Variants in NSL1 observed in about 807,000 individuals in gnomAD.
NSL1 encodes NSL1 component of MIS12 kinetochore complex.
In NSL1, 11 loss-of-function variants were observed where a neutral mutation model predicts 25.4. That is an observed-to-expected ratio of 0.43 (90% CI 0.27 to 0.72). NSL1 has a LOEUF of 0.72. NSL1 is among the 30% of genes least tolerant of loss of function. NSL1 has a pLI of 0.19. For missense variants in NSL1, 330 were observed against 342.7 expected, an observed-to-expected ratio of 0.96 and a Z score of 0.29; for synonymous variants, 118 against 120.6, an observed-to-expected ratio of 0.98 and a Z score of 0.14.
chr1:212,765,731 G>A (rs1659773548), intron 4 of NSL1, among the ~76,000 whole-genome samples: 1 of 152,064 alleles, frequency 6.6e-6, no homozygotes, highest in African/African-American at 2.4e-5. Flanking sequence ...GCTTGAACCT[G>A]GAAAGTGGAG....
At chr1:212,747,270 C>T (rs1322520546) in intron 4 of NSL1, among the ~76,000 whole-genome samples, 1 of 152,188 alleles carries the variant, frequency 6.6e-6, no homozygotes, top group Non-Finnish European at 1.5e-5. Context: ...CAAATCACTT[C>T]CAAGATTAGG....
chr1:212,746,779 AATGGT>A (rs1408569883), intron 4 of NSL1, among the ~76,000 whole-genome samples: 1 of 152,228 alleles, frequency 6.6e-6, no homozygotes, highest in Non-Finnish European at 1.5e-5. Context: ...AAATGGTTAA[AATGGT>A]AAATTTTATG....
Position 212,735,823 on chromosome 1 carries a change from A to G in NSL1, c.*2585T>C, listed in dbSNP as rs951069714. ...AGGTGGTCATCTACAAGTCGGGAAG[A>G]CAGCCCTCACCAGAAACTGCATTTG... On this transcript the variant is annotated 3_prime_UTR_variant, in exon 6 of 6. Coordinates refer to ENST00000366977, the MANE Select transcript of NSL1 (RefSeq NM_015471.4). 1 of 442,358 alleles carries G rather than the reference A, an allele frequency of 2.3e-6. No homozygotes were observed. Among genetic ancestry groups the G allele is most frequent in the Non-Finnish European group, 3.0e-6 (1 of 333,478 alleles). The allele number at this position is 442,358 out of a possible 1,614,324, so 27.4% of individuals were successfully genotyped here.
intron 4 of NSL1, among the ~76,000 whole-genome samples, chr1:212,762,844 T>G (rs1659639390): frequency 6.6e-6 from 1 of 152,026 alleles, no homozygotes; most frequent in African/African-American, 2.4e-5. Context: ...CCTGACTGCA[T>G]CTCATAGGGG....
chr1:212,752,455 T>C (rs774507914), intron 4 of NSL1, among the ~76,000 whole-genome samples: 4 of 152,160 alleles, frequency 2.6e-5, no homozygotes, highest in Admixed American at 1.3e-4. Context: ...GAACTGGAAG[T>C]ATCATTAAGT....
chr1:212,752,110 A>G (rs1041561469), intron 4 of NSL1, among the ~76,000 whole-genome samples: 3 of 152,200 alleles, frequency 2.0e-5, no homozygotes, highest in Non-Finnish European at 4.4e-5. Context: ...ATAAAATCCT[A>G]CTTAAATGTC....
chr1:212,732,162 T>C lies in NSL1; in HGVS notation c.*6246A>G, dbSNP rs1280229428. On this transcript the variant is annotated 3_prime_UTR_variant, in exon 6 of 6. Coordinates refer to ENST00000366977, the MANE Select transcript of NSL1 (RefSeq NM_015471.4). ...TTTGTACAGCTTTCTGCCTCTACTGTAGTGAATAACTGCCTTATTTTTTGT... is the reference window on the plus strand; with the variant it reads ...TTTGTACAGCTTTCTGCCTCTACTGCAGTGAATAACTGCCTTATTTTTTGT... 1.0e-6 allele frequency: 1 copy of C among 984,888 alleles called. No individual in the cohort carries two copies. 61.0% of individuals were successfully genotyped at this position (984,888 alleles called of 1,614,324 possible). A position where few individuals can be genotyped will look rare whatever the true frequency, so the allele number is the denominator to read the frequency against.
intron 4 of NSL1, among the ~76,000 whole-genome samples, chr1:212,754,865 G>A (rs1659233917): frequency 6.6e-6 from 1 of 150,914 alleles, no homozygotes; most frequent in Non-Finnish European, 1.5e-5. Flanking sequence ...ATGATGGGAA[G>A]CAGATAATGC....
intron 4 of NSL1, among the ~76,000 whole-genome samples, chr1:212,741,389 T>C (rs1318613008): frequency 6.6e-6 from 1 of 152,190 alleles, no homozygotes; most frequent in Non-Finnish European, 1.5e-5. Flanking sequence ...CCACCCAATC[T>C]CATGTCGAAT....
At chr1:212,787,763 T>A in intron 1 of NSL1, 126 bp from the exon 2 acceptor site, 1 of 564,294 alleles carries the variant, frequency 1.8e-6, no homozygotes, top group Non-Finnish European at 3.1e-6. Context: ...AGCTAATTAG[T>A]ATATCTATTC....
Position 212,731,415 on chromosome 1 carries a change from G to A in NSL1, c.*6993C>T, listed in dbSNP as rs186921500. 4.1e-6 allele frequency: 4 copies of A among 985,090 alleles called. No homozygotes were observed. Among genetic ancestry groups the A allele is most frequent in the East Asian group, 1.1e-4 (1 of 8,810 alleles). The allele number at this position is 985,090 out of a possible 1,614,324, so 61.0% of individuals were successfully genotyped here. A position where few individuals can be genotyped will look rare whatever the true frequency, so the allele number is the denominator to read the frequency against. On this transcript the variant is annotated 3_prime_UTR_variant, in exon 6 of 6. Coordinates refer to ENST00000366977, the MANE Select transcript of NSL1 (RefSeq NM_015471.4). ...TAAAACAAATAAACTAGCCGGGCAT[G>A]GTGGCACACGCCTGTTTTGAAACCC...
intron 4 of NSL1, among the ~76,000 whole-genome samples, chr1:212,764,843 CAAAAAAAAAAAA>C (rs3086471): frequency 7.2e-4 from 28 of 38,876 alleles, no homozygotes; most frequent in Admixed American, 1.1e-3. Flanking sequence ...AAGACTGTCT[CAAAAAAAAAAAA>C]AAAAAAAAAA....
intron 4 of NSL1, among the ~76,000 whole-genome samples, chr1:212,744,627 T>C (rs148943913): frequency 6.8e-4 from 103 of 152,180 alleles, no homozygotes; most frequent in Non-Finnish European, 1.5e-3. Flanking sequence ...ACCTAAATAA[T>C]GTGTGTCACC....
chr1:212,786,578 C>G (rs890919380), intron 2 of NSL1, among the ~76,000 whole-genome samples: 1 of 152,186 alleles, frequency 6.6e-6, no homozygotes, highest in African/African-American at 2.4e-5. Context: ...GAGGCCAAGG[C>G]AGGCAGATCA....
rs2102419752 is a variant in NSL1 at position 212,731,264 on chromosome 1, T to C, written c.*7144A>G. ...AGAATAGTAAGTCTTATCTGAAATA[T>C]ACTGTGATAGGCCAGGTGCAGTGGC... On this transcript the variant is annotated 3_prime_UTR_variant, in exon 6 of 6. Coordinates refer to ENST00000366977, the MANE Select transcript of NSL1 (RefSeq NM_015471.4). 1.0e-6 allele frequency: 1 copy of C among 985,060 alleles called. No individual in the cohort carries two copies. The highest frequency in any genetic ancestry group is 1.2e-6 in the Non-Finnish European group (1 of 829,886). The allele number at this position is 985,060 out of a possible 1,614,324, so 61.0% of individuals were successfully genotyped here.
At chr1:212,766,748 G>A (rs955453854) in intron 4 of NSL1, among the ~76,000 whole-genome samples, 2 of 151,850 alleles carry the variant, frequency 1.3e-5, no homozygotes, top group African/African-American at 2.4e-5. Flanking sequence ...CAAAATCAGT[G>A]TACACACATC....
rs186305592 is a variant in NSL1 at position 212,753,981 on chromosome 1, G to A, written c.500-14380C>T. Among the ~76,000 whole-genome samples, 4 of 152,322 alleles carry A rather than the reference G, an allele frequency of 2.6e-5. No individual in the cohort carries two copies. In the East Asian group the frequency reaches 5.8e-4, roughly 22 times the overall value. On this transcript the variant is annotated intron_variant, in intron 4 of 5. Transcript: ENST00000366977. The stretch of plus-strand genomic sequence containing the variant: ...GGCAAGGGGGCATGCATGTGTGACA[G>A]TGAGGCACTTTCAAAGAACTGAAAG...
chr1:212,780,601 C>T (rs1303134064), intron 4 of NSL1, among the ~76,000 whole-genome samples: 1 of 151,734 alleles, frequency 6.6e-6, no homozygotes, highest in Non-Finnish European at 1.5e-5. Context: ...AAGAGGTTCC[C>T]ACAAAAGTTT....
In NSL1 at chr1:212,726,911, C is replaced by T; in HGVS notation, c.*11497G>A. ...ATGGTGTCCCTCCCTCTGATGGACA[C>T]CAGCACAGCACGGACTTTCCCGTCC... On this transcript the variant is annotated 3_prime_UTR_variant, in exon 6 of 6. Coordinates refer to ENST00000366977, the MANE Select transcript of NSL1 (RefSeq NM_015471.4). The T allele has an allele frequency of 4.7e-6, 2 of 423,690 alleles. No individual in the cohort carries two copies. Among genetic ancestry groups the T allele is most frequent in the Non-Finnish European group, 8.3e-6 (2 of 240,998 alleles). The allele number at this position is 423,690 out of a possible 1,614,324, so 26.2% of individuals were successfully genotyped here.
Sources: allele counts gnomAD v4.1 joint callset (sites outside exome capture counted in the v4.1 genomes callset), GRCh38; gene constraint gnomAD v4.1.1; transcripts MANE v1.5; gene names NCBI Gene and HGNC (gene_info 2026-07-23, HGNC 2026-07-21).